Variants in ASTN2 observed in about 807,000 individuals in gnomAD.
The protein encoded by ASTN2 is astrotactin 2.
In ASTN2, 54 loss-of-function variants were observed where a neutral mutation model predicts 139.8. That is an observed-to-expected ratio of 0.39 (90% confidence interval 0.31 to 0.48). ASTN2 has a LOEUF of 0.48. Among genes scored for constraint, ASTN2 ranks in the 20% least tolerant of loss-of-function variants. The pLI is 0.95. For synonymous variants in ASTN2, 756 were observed against 719.5 expected, an observed-to-expected ratio of 1.05 and a Z score of -0.81; for missense variants, 1,565 against 1,725.1, an observed-to-expected ratio of 0.91 and a Z score of 1.64.
rs143490710 is a variant in ASTN2, at chr9:116,684,015, T to C, written c.2807-32222A>G. On this transcript the variant is annotated intron_variant, in intron 16 of 22. Coordinates refer to ENST00000313400, the MANE Select transcript of ASTN2 (RefSeq NM_001365068.1). ...ACAAGGTTCTGTCATACAGTCCCTGTACAAGGTTCCTGACCTGTGGTAAGT... is the reference window on the plus strand; with the variant it reads ...ACAAGGTTCTGTCATACAGTCCCTGCACAAGGTTCCTGACCTGTGGTAAGT... Among the ~76,000 whole-genome samples the C allele has an allele frequency of 7.8e-3, 1,192 of 152,256 alleles. 11 individuals carry two copies. Among genetic ancestry groups the C allele is most frequent in the African/African-American group, 0.023 (965 of 41,562 alleles).
In ASTN2 at chr9:116,620,333, G is replaced by T. The variant is rs1186578112; in HGVS notation, c.3183C>A (p.Asn1061Lys). Residue 1061 changes from asparagine to lysine, a missense_variant, in exon 18 of 23, where the codon AAC (asparagine) becomes AAA (lysine). By Grantham distance (94) the Asn-to-Lys change is moderately conservative. Coordinates refer to ENST00000313400, the MANE Select transcript of ASTN2 (RefSeq NM_001365068.1). ...LSAFDANGLP[N>K]CSPLLQPVLR... ...ACACCGGCTGCAGAAGGGGGCTGCA[G>T]TTGGGGAGCCCATTGGCATCAAAGG... The T allele has an allele frequency of 6.2e-7, 1 of 1,614,056 alleles. No homozygotes were observed. Among genetic ancestry groups the T allele is most frequent in the Non-Finnish European group, 8.5e-7 (1 of 1,180,046 alleles).
intron 1 of ASTN2, among the ~76,000 whole-genome samples, chr9:117,316,394 G>A (rs1828145297): frequency 6.6e-6 from 1 of 152,126 alleles, no homozygotes; most frequent in African/African-American, 2.4e-5. Context: ...ACAGATGGAT[G>A]GAGGGAGGGA....
At chr9:116,702,194 A>G (rs1242162581) in intron 16 of ASTN2, among the ~76,000 whole-genome samples, 1 of 152,104 alleles carries the variant, frequency 6.6e-6, no homozygotes, top group Non-Finnish European at 1.5e-5. Flanking sequence ...AATAACAAAA[A>G]TGATCCCTGC....
chr9:116,675,761 C>G (rs1163284469), intron 16 of ASTN2, among the ~76,000 whole-genome samples: 1 of 151,958 alleles, frequency 6.6e-6, no homozygotes, highest in Non-Finnish European at 1.5e-5. Flanking sequence ...TTTGGTGAGC[C>G]CTAAAGAAAG....
intron 1 of ASTN2, among the ~76,000 whole-genome samples, chr9:117,336,057 GAAA>G (rs35679249): frequency 1.9e-5 from 2 of 104,914 alleles, no homozygotes; most frequent in Non-Finnish European, 1.9e-5. Context: ...GTCTGGAAAG[GAAA>G]AAAAAAAAAA....
intron 6 of ASTN2, among the ~76,000 whole-genome samples, chr9:117,014,104 A>C (rs1188602479): frequency 6.6e-6 from 1 of 152,156 alleles, no homozygotes; most frequent in Non-Finnish European, 1.5e-5. Context: ...CACGGGTCCT[A>C]GCTGTCTTGG....
intron 13 of ASTN2, among the ~76,000 whole-genome samples, chr9:116,768,547 G>A (rs564221227): frequency 1.3e-5 from 2 of 152,102 alleles, no homozygotes; most frequent in African/African-American, 4.8e-5. Flanking sequence ...AATTGCTATG[G>A]TCTGAATATT....
chr9:116,469,685 T>C (rs1336249826), intron 20 of ASTN2, among the ~76,000 whole-genome samples: 1 of 152,242 alleles, frequency 6.6e-6, no homozygotes, highest in African/African-American at 2.4e-5. Flanking sequence ...TGATATTGCA[T>C]ATATTCACTT....
chr9:116,913,719 C>T (rs111415143), intron 10 of ASTN2, among the ~76,000 whole-genome samples: 1,996 of 152,090 alleles, frequency 0.013, 30 homozygotes, highest in African/African-American at 0.043. Flanking sequence ...TTTCTGCATT[C>T]GTAATTGGGG....
chr9:116,526,865 A>G (rs1055311296), intron 19 of ASTN2, among the ~76,000 whole-genome samples: 1 of 152,192 alleles, frequency 6.6e-6, no homozygotes, highest in Non-Finnish European at 1.5e-5. Context: ...CCAATGAAAC[A>G]GAATAGCAAG....
intron 16 of ASTN2, among the ~76,000 whole-genome samples, chr9:116,654,096 A>G (rs973947643): frequency 6.6e-6 from 1 of 152,136 alleles, no homozygotes; most frequent in Admixed American, 6.5e-5. Flanking sequence ...GTTCGGGGAG[A>G]AGGTCAAGAG....
intron 3 of ASTN2, among the ~76,000 whole-genome samples, chr9:117,149,251 C>T (rs910070609): frequency 1.5e-4 from 23 of 152,096 alleles, no homozygotes; most frequent in African/African-American, 5.1e-4. Flanking sequence ...AACTCTTGAC[C>T]TCGTGATCCA....
intron 10 of ASTN2, among the ~76,000 whole-genome samples, chr9:116,963,618 G>A (rs914559011): frequency 4.6e-5 from 7 of 152,276 alleles, no homozygotes; most frequent in African/African-American, 4.8e-5. Flanking sequence ...TGTCCACGAC[G>A]ATAGAGAGGC....
chr9:116,864,883 T>G (rs1187165620), intron 10 of ASTN2, among the ~76,000 whole-genome samples: 1 of 152,176 alleles, frequency 6.6e-6, no homozygotes, highest in Non-Finnish European at 1.5e-5. Context: ...GTCCCATCTT[T>G]CATACTGACT....
At chr9:117,307,661 T>C (rs1221395286) in intron 1 of ASTN2, among the ~76,000 whole-genome samples, 2 of 152,200 alleles carry the variant, frequency 1.3e-5, no homozygotes, top group Non-Finnish European at 2.9e-5. Flanking sequence ...GGTAGGCACA[T>C]GGCCACCTTC....
chr9:117,169,981 T>C (rs1830754127), intron 3 of ASTN2, among the ~76,000 whole-genome samples: 1 of 152,132 alleles, frequency 6.6e-6, no homozygotes. Flanking sequence ...TATCTTGGGT[T>C]TGAATCCCTG....
intron 19 of ASTN2, among the ~76,000 whole-genome samples, chr9:116,493,235 C>T (rs1588111707): frequency 6.6e-6 from 1 of 152,184 alleles, no homozygotes; most frequent in Admixed American, 6.5e-5. Context: ...GAGGCCTCTG[C>T]TCCGTCCTCC....
At chr9:117,174,991 A>G (rs1387676480) in intron 3 of ASTN2, among the ~76,000 whole-genome samples, 1 of 152,078 alleles carries the variant, frequency 6.6e-6, no homozygotes, top group African/African-American at 2.4e-5. Context: ...CATTAGAACA[A>G]GATAATTCAA....
At chr9:116,438,084 C>G (rs1016871175) in intron 22 of ASTN2, among the ~76,000 whole-genome samples, 1 of 152,150 alleles carries the variant, frequency 6.6e-6, no homozygotes, top group Non-Finnish European at 1.5e-5. Context: ...CCTACATGGT[C>G]ATTTTGAAGT....
Sources: allele counts gnomAD v4.1 joint callset (sites outside exome capture counted in the v4.1 genomes callset), GRCh38; gene constraint gnomAD v4.1.1; transcripts MANE v1.5; gene names NCBI Gene and HGNC (gene_info 2026-07-23, HGNC 2026-07-21).